Variants in PSPC1 observed in about 807,000 individuals in gnomAD.
PSPC1 encodes paraspeckle protein 1.
A neutral mutation model predicts 51.6 loss-of-function variants in PSPC1; 14 were observed. The ratio of observed to expected loss-of-function variants is 0.27; its 90% CI spans 0.18 to 0.42. PSPC1 has a LOEUF of 0.42. PSPC1 is among the 10% of genes least tolerant of loss of function. The pLI is 1.00. For synonymous variants in PSPC1, 193 were observed against 231.9 expected, an observed-to-expected ratio of 0.83 and a Z score of 1.53; for missense variants, 406 against 701.1, an observed-to-expected ratio of 0.58 and a Z score of 4.75.
chr13:19,725,597 G>C (rs978905759), intron 6 of PSPC1, among the ~76,000 whole-genome samples: 2 of 151,464 alleles, frequency 1.3e-5, no homozygotes, highest in Non-Finnish European at 2.9e-5. Flanking sequence ...GTTTTTGTAG[G>C]GCAAAATAAA....
intron 6 of PSPC1, among the ~76,000 whole-genome samples, chr13:19,679,387 T>C (rs944507494): frequency 3.3e-5 from 5 of 152,220 alleles, no homozygotes; most frequent in Non-Finnish European, 1.5e-5. Flanking sequence ...TCCCAACTAA[T>C]TGGCAGGCTG....
chr13:19,778,300 AAAATT>A (rs1889399747), intron 1 of PSPC1, among the ~76,000 whole-genome samples: 2 of 101,028 alleles, frequency 2.0e-5, no homozygotes, highest in Admixed American at 1.0e-4. Flanking sequence ...AAAAAAGAAA[AAAATT>A]AATAAAAATA....
intron 6 of PSPC1, among the ~76,000 whole-genome samples, chr13:19,719,683 T>C (rs1207219828): frequency 6.6e-6 from 1 of 152,234 alleles, no homozygotes; most frequent in East Asian, 1.9e-4. Context: ...GCTCTGATAT[T>C]ACTGTCAAAT....
chr13:19,689,348 T>C (rs1448583584), intron 6 of PSPC1, among the ~76,000 whole-genome samples: 1 of 152,144 alleles, frequency 6.6e-6, no homozygotes, highest in Non-Finnish European at 1.5e-5. Flanking sequence ...AAAACACACA[T>C]GAAAATTTTA....
chr13:19,747,629 C>A (rs765941667), intron 4 of PSPC1, among the ~76,000 whole-genome samples: 1 of 152,126 alleles, frequency 6.6e-6, no homozygotes, highest in Non-Finnish European at 1.5e-5. Context: ...CTACACCCAG[C>A]CAGTTTGTTT....
Position 19,781,145 on chromosome 13 carries a change from CAAAAA to C in PSPC1, c.372+1236_372+1240del, listed in dbSNP as rs531065939. Among the ~76,000 whole-genome samples, 118 of 70,702 alleles carry C rather than the reference CAAAAA, an allele frequency of 1.7e-3. 1 individual carries two copies. The highest frequency in any genetic ancestry group is 5.1e-3 in the African/African-American group (109 of 21,292). 46.4% of individuals were successfully genotyped at this position (70,702 alleles called of 152,430 possible). On this transcript the variant is annotated intron_variant, in intron 1 of 8. Transcript: ENST00000338910. Reference sequence around the variant, plus strand: ...TGGGTGATAGAGCGAGACCCAGTCTCAAAAAAAAAAAAAAAAAAGGCGTAAACCTT... The same window carrying C: ...TGGGTGATAGAGCGAGACCCAGTCTCAAAAAAAAAAAAAGGCGTAAACCTT...
rs1489489894 is a variant in PSPC1, at chr13:19,751,347, G to A, written c.891C>T (p.Ile297=). The A allele has an allele frequency of 4.4e-6, 7 of 1,588,598 alleles. No individual in the cohort carries two copies. The African/African-American group carries it at 5.5e-5, about 12-fold the overall frequency. The part of the protein sequence containing the change: ...KQQREQVDRN[I]REAKEKLEAE... ...CCTCCAGTTTCTCTTTGGCTTCTCT[G>A]ATGTTTCTATCAACCTGCTCACGCT... Residue 297 remains isoleucine, a synonymous_variant, in exon 4 of 9, where the codon ATC becomes ATT. Transcript: ENST00000338910.
chr13:19,685,214 C>CCCA (rs1441252358), intron 6 of PSPC1, among the ~76,000 whole-genome samples: 1 of 152,214 alleles, frequency 6.6e-6, no homozygotes, highest in African/African-American at 2.4e-5. Context: ...CACATCAGAG[C>CCCA]CCAGCCCAAC....
At chr13:19,690,823 G>T (rs1471657490) in intron 6 of PSPC1, among the ~76,000 whole-genome samples, 3 of 152,016 alleles carry the variant, frequency 2.0e-5, no homozygotes, top group Admixed American at 1.3e-4. Context: ...TTTAGACAGG[G>T]TACATATTCT....
At chr13:19,704,366 A>G (rs1880371758) in intron 8 of PSPC1, among the ~76,000 whole-genome samples, 1 of 151,624 alleles carries the variant, frequency 6.6e-6, no homozygotes, top group African/African-American at 2.4e-5. Context: ...AGCATGTCCA[A>G]TTTCTCCAAA....
At position 19,703,119 on chromosome 13, in the gene PSPC1, T is replaced by A; in HGVS notation, c.*56A>T. 3 of 1,524,654 alleles carry A rather than the reference T, an allele frequency of 2.0e-6. No homozygotes were observed. 94.4% of individuals were successfully genotyped at this position (1,524,654 alleles called of 1,614,324 possible). ...ATTTCTTCCAGATAACAGGTAAAAGTATAAAGGCATACCACTGACTTTTTT... is the reference window on the plus strand; with the variant it reads ...ATTTCTTCCAGATAACAGGTAAAAGAATAAAGGCATACCACTGACTTTTTT... On this transcript the variant is annotated 3_prime_UTR_variant, in exon 9 of 9. Transcript: ENST00000338910.
intron 5 of PSPC1, among the ~76,000 whole-genome samples, chr13:19,735,195 C>T (rs1289345818): frequency 6.6e-6 from 1 of 151,820 alleles, no homozygotes; most frequent in Non-Finnish European, 1.5e-5. Context: ...GCCTATAATC[C>T]CAGCTACTCG....
intron 5 of PSPC1, among the ~76,000 whole-genome samples, chr13:19,738,476 T>G (rs142498357): frequency 3.3e-5 from 5 of 152,282 alleles, no homozygotes; most frequent in South Asian, 2.1e-4. Context: ...ATGTAAAGAC[T>G]ATGTAAACAG....
In PSPC1 at chr13:19,771,634, T is replaced by C. The variant is rs567986452; in HGVS notation, c.674+608A>G. ...TATTTTTAGAAGAGATGAGGTTTTG[T>C]TTTTTTTTTTGAGACAGAGTCTGTC... is the stretch of plus-strand genomic sequence containing the variant. On this transcript the variant is annotated intron_variant, in intron 2 of 8. Coordinates refer to ENST00000338910, the MANE Select transcript of PSPC1 (RefSeq NM_001354909.2). 5.1e-3 allele frequency among the ~76,000 whole-genome samples: 587 copies of C among 115,678 alleles called. 4 individuals are homozygous for C. The highest frequency in any genetic ancestry group is 0.01 in the South Asian group (41 of 3,918). The allele number at this position is 115,678 out of a possible 152,430, so 75.9% of individuals were successfully genotyped here.
intron 6 of PSPC1, among the ~76,000 whole-genome samples, chr13:19,689,936 T>C (rs1335680668): frequency 6.6e-6 from 1 of 152,038 alleles, no homozygotes; most frequent in Non-Finnish European, 1.5e-5. Context: ...AGGACCATGA[T>C]AAAAGAAGCA....
Position 19,782,916 on chromosome 13 carries a change from C to A in PSPC1, c.-159G>T. 2 of 724,908 alleles carry A rather than the reference C, an allele frequency of 2.8e-6. No individual in the cohort carries two copies. Among genetic ancestry groups the A allele is most frequent in the Non-Finnish European group, 4.0e-6 (2 of 497,988 alleles). The allele number at this position is 724,908 out of a possible 1,614,324, so 44.9% of individuals were successfully genotyped here. On this transcript the variant is annotated 5_prime_UTR_variant, in exon 1 of 9. Transcript: ENST00000338910. This position sits in a 1 kb window ranked among gnomAD's most constrained non-coding sequence, Gnocchi z 4.5. ...CGGCAACCCGTCCTCCCCCAACTCA[C>A]GCCCGCTGCAGCTGCACATTCAAAA...
intron 5 of PSPC1, chr13:19,736,973 T>A (rs1341545168): frequency 6.6e-6 from 1 of 152,166 alleles, no homozygotes; most frequent in South Asian, 2.1e-4. Flanking sequence ...TTATTTGTTT[T>A]AAGAGACAGG....
intron 1 of PSPC1, among the ~76,000 whole-genome samples, chr13:19,774,819 C>A (rs4769070): frequency 0.13 from 17,442 of 133,312 alleles, 1,307 homozygotes; most frequent in Non-Finnish European, 0.19. Flanking sequence ...AAAAAAAAAA[C>A]AAAAAAAAAA....
rs147362608 is a variant in PSPC1 at position 19,763,989 on chromosome 13, T to C, written c.675-4571A>G. Among the ~76,000 whole-genome samples, 11 of 151,430 alleles carry C rather than the reference T, an allele frequency of 7.3e-5. No individual in the cohort carries two copies. In the East Asian group the frequency reaches 2.1e-3, roughly 30 times the overall value. On this transcript the variant is annotated intron_variant, in intron 2 of 8. Transcript: ENST00000338910. ...CTGCACTCCAGCCTGGGCAGCAGAC[T>C]GAAACCCTGTCTCGGAAAAAAAGAA... is the stretch of plus-strand genomic sequence containing the variant.
Sources: gnomAD v4.1 joint callset for allele counts (sites outside exome capture counted in the v4.1 genomes callset) on GRCh38, gnomAD v4.1.1 for gene constraint, Gnocchi (gnomAD v3.1) non-coding constraint, MANE v1.5 for transcripts, NCBI Gene and HGNC (gene_info 2026-07-23, HGNC 2026-07-21) for gene names.